Variants in ABCA1 observed in about 807,000 individuals in gnomAD.
ABCA1 encodes the protein phospholipid-transporting ATPase ABCA1.
ABCA1 carries 133 observed loss-of-function variants against 262.5 expected under a neutral mutation model. That is an observed-to-expected ratio of 0.51 (90% CI 0.44 to 0.59). ABCA1 has a LOEUF of 0.59. ABCA1 is among the 20% of genes least tolerant of loss of function. The probability of loss-of-function intolerance (pLI) is 0.00; values close to 1 mark genes in which losing one functional copy is unlikely to be tolerated. For synonymous variants in ABCA1, 1,022 were observed against 1,043.5 expected (o/e 0.98, Z 0.40); for missense variants, 2,452 against 2,777.5 (o/e 0.88, Z 2.63).
At position 104,846,727 on chromosome 9, in the gene ABCA1, C is replaced by T. The variant is rs1038849242; in HGVS notation, c.721-1158G>A. Among the ~76,000 whole-genome samples the T allele has an allele frequency of 5.3e-5, 8 of 152,322 alleles. No individual in the cohort carries two copies. The East Asian group carries it at 1.5e-3, about 29-fold the overall frequency. On this transcript the variant is annotated intron_variant, in intron 7 of 49. Coordinates refer to ENST00000374736, the MANE Select transcript of ABCA1 (RefSeq NM_005502.4). Reference sequence around the variant, plus strand: ...TCCAGCTCATTCATCTCTTCTGGAACGGGTTCTTCACCAGAGTCCCAGGAC... The same window carrying T: ...TCCAGCTCATTCATCTCTTCTGGAATGGGTTCTTCACCAGAGTCCCAGGAC...
chr9:104,826,314 G>A (rs775757881), intron 16 of ABCA1, among the ~76,000 whole-genome samples: 1 of 152,146 alleles, frequency 6.6e-6, no homozygotes, highest in Non-Finnish European at 1.5e-5. Flanking sequence ...GGCAACAGGA[G>A]CATCCTATGA....
Position 104,855,971 on chromosome 9 carries a change from T to C in ABCA1, c.720+2551A>G, listed in dbSNP as rs1168309583. 2.5e-6 allele frequency: 4 copies of C among 1,612,804 alleles called. No homozygotes were observed. The African/African-American group carries it at 4.0e-5, about 16-fold the overall frequency. ...TCCACTTTTGGTACAGAAGCACATATTGAAAGAAGAGTTTCTCTCCCCATC... is the reference window on the plus strand; with the variant it reads ...TCCACTTTTGGTACAGAAGCACATACTGAAAGAAGAGTTTCTCTCCCCATC... On this transcript the variant is annotated intron_variant, in intron 7 of 49. Transcript: ENST00000374736.
At chr9:104,923,101 C>A (rs1842233509) in intron 1 of ABCA1, among the ~76,000 whole-genome samples, 1 of 152,168 alleles carries the variant, frequency 6.6e-6, no homozygotes, top group African/African-American at 2.4e-5. Context: ...TAAACAGTAA[C>A]AGCAGTAACA....
intron 22 of ABCA1, 62 bp from the exon 23 acceptor site, chr9:104,818,945 G>T: frequency 6.9e-7 from 1 of 1,451,774 alleles, no homozygotes; most frequent in South Asian, 1.2e-5. Context: ...ATTTGTCACA[G>T]TGACAGGGAC....
intron 5 of ABCA1, among the ~76,000 whole-genome samples, chr9:104,862,551 C>T (rs1836515633): frequency 6.6e-6 from 1 of 151,804 alleles, no homozygotes; most frequent in Non-Finnish European, 1.5e-5. Context: ...GACTAATCTC[C>T]TGTTTAATGC....
intron 5 of ABCA1, among the ~76,000 whole-genome samples, chr9:104,879,568 T>C (rs1485202829): frequency 6.6e-6 from 1 of 152,174 alleles, no homozygotes; most frequent in Non-Finnish European, 1.5e-5. Context: ...AATCTAAACA[T>C]GTAAAACAGA....
chr9:104,925,535 TAC>T (rs1826258326), intron 1 of ABCA1, among the ~76,000 whole-genome samples: 1 of 152,200 alleles, frequency 6.6e-6, no homozygotes, highest in African/African-American at 2.4e-5. Context: ...GGTGCTCAAA[TAC>T]AGACTCCTAA....
intron 2 of ABCA1, among the ~76,000 whole-genome samples, chr9:104,902,735 GA>G (rs1418825536): frequency 6.6e-6 from 1 of 152,110 alleles, no homozygotes; most frequent in African/African-American, 2.4e-5. Context: ...CTAGTTTGAG[GA>G]AAACTGAATG....
rs771553129 is a variant in ABCA1, at chr9:104,837,529, T to A, written c.1093A>T (p.Ser365Cys). ...CNDLMKNLES[S>C]PLSRIIWKAL... ...TTCCAGATAATGCGGGAAAGAGGACTAGACTCCAAATTCTTCATCAAATCA... is the reference window on the plus strand; with the variant it reads ...TTCCAGATAATGCGGGAAAGAGGACAAGACTCCAAATTCTTCATCAAATCA... Residue 365 changes from serine to cysteine, a missense_variant, in exon 10 of 50, where the codon AGT (serine) becomes TGT (cysteine). Coordinates refer to ENST00000374736, the MANE Select transcript of ABCA1 (RefSeq NM_005502.4). The A allele has an allele frequency of 6.2e-7, 1 of 1,614,166 alleles. No homozygotes were observed. Among genetic ancestry groups the A allele is most frequent in the East Asian group, 2.2e-5 (1 of 44,876 alleles).
intron 12 of ABCA1, 52 bp from the exon 13 acceptor site, chr9:104,831,879 G>A (rs1243642490): frequency 6.5e-7 from 1 of 1,544,912 alleles, no homozygotes; most frequent in Non-Finnish European, 8.9e-7. Flanking sequence ...ACAACAAGCA[G>A]TGGCTGAGAC....
chr9:104,897,840 T>C lies in ABCA1; in HGVS notation c.66+5774A>G, dbSNP rs901041618. On this transcript the variant is annotated intron_variant, in intron 2 of 49. Transcript: ENST00000374736. ...CTGGTCTCAAATTCCTGGCCTCAAG[T>C]GATCCGCCCACCTTGGTCTCCCAAA... 4.1e-4 allele frequency among the ~76,000 whole-genome samples: 62 copies of C among 152,322 alleles called. 1 individual carries two copies. Among genetic ancestry groups the C allele is most frequent in the African/African-American group, 1.5e-3 (61 of 41,588 alleles).
chr9:104,866,094 G>C (rs75232950), intron 5 of ABCA1, among the ~76,000 whole-genome samples: 2,123 of 152,278 alleles, frequency 0.014, 46 homozygotes, highest in African/African-American at 0.048. Flanking sequence ...TGGAGAGGAA[G>C]GGGTAAGACC....
chr9:104,869,553 C>CCTT (rs1837412164), intron 5 of ABCA1, among the ~76,000 whole-genome samples: 1 of 152,140 alleles, frequency 6.6e-6, no homozygotes, highest in African/African-American at 2.4e-5. Context: ...GAAGAATAGA[C>CCTT]GATGCCTGCT....
intron 11 of ABCA1, among the ~76,000 whole-genome samples, chr9:104,835,896 A>G (rs958585153): frequency 1.2e-4 from 18 of 152,232 alleles, no homozygotes; most frequent in Non-Finnish European, 2.6e-4. Flanking sequence ...GAGTCACTTC[A>G]CAGGGCCTCC....
chr9:104,873,428 G>A (rs183299708), intron 5 of ABCA1, among the ~76,000 whole-genome samples: 113 of 152,270 alleles, frequency 7.4e-4, no homozygotes, highest in African/African-American at 2.5e-3. Context: ...ACATTCCATC[G>A]GTGCCTGAAG....
Position 104,800,002 on chromosome 9 carries a change from T to C in ABCA1, c.4774-14A>G, listed in dbSNP as rs374194840. On this transcript the variant is annotated splice_polypyrimidine_tract_variant and intron_variant, in intron 35 of 49. Coordinates refer to ENST00000374736, the MANE Select transcript of ABCA1 (RefSeq NM_005502.4). ...ATTGAACCACACCTGAAAGAAAACA[T>C]ACCAGGTACAAGGTAATGCCCCCAA... The C allele has an allele frequency of 6.6e-5, 106 of 1,613,960 alleles. No individual in the cohort carries two copies. In the South Asian group the frequency reaches 1.1e-3, roughly 16 times the overall value.
intron 1 of ABCA1, among the ~76,000 whole-genome samples, chr9:104,925,819 T>C (rs1009325071): frequency 1.8e-4 from 27 of 152,164 alleles, no homozygotes; most frequent in African/African-American, 6.0e-4. Flanking sequence ...ATACTTTCTC[T>C]GATTTAGGAG....
chr9:104,820,017 C>G lies in ABCA1; in HGVS notation c.3013G>C (p.Glu1005Gln). Reference protein sequence around the residue: ...WFYARLKGLSEKHVKAEMEQM... With the variant: ...WFYARLKGLSQKHVKAEMEQM... ...TCCATCTCCGCCTTCACGTGCTTCT[C>G]AGAGAGCCCTTTCAAGCGGGCATAG... Residue 1005 changes from glutamate (E) to glutamine (Q), a missense_variant, in exon 21 of 50, where the codon GAG becomes CAG. By Grantham distance (29) the Glu-to-Gln change is conservative. Transcript: ENST00000374736. The G allele has an allele frequency of 6.2e-7, 1 of 1,614,122 alleles. No homozygotes were observed. Among genetic ancestry groups the G allele is most frequent in the Non-Finnish European group, 8.5e-7 (1 of 1,180,032 alleles).
At chr9:104,862,418 T>TTTG (rs369398570) in intron 5 of ABCA1, among the ~76,000 whole-genome samples, 36,683 of 151,720 alleles carry the variant, frequency 0.24, 5,613 homozygotes, top group African/African-American at 0.42. Flanking sequence ...CTTTCTCTTC[T>TTTG]AAATGATCTC....
Sources: gnomAD v4.1 joint callset for allele counts (sites outside exome capture counted in the v4.1 genomes callset) on GRCh38, gnomAD v4.1.1 for gene constraint, MANE v1.5 for transcripts, NCBI Gene and HGNC (gene_info 2026-07-23, HGNC 2026-07-21) for gene names.